The following COLQ variants were observed in gnomAD, a reference collection of about 807,000 sequenced individuals.
COLQ encodes the protein collagen like tail subunit of asymmetric acetylcholinesterase, also known as acetylcholinesterase collagenic tail peptide.
A neutral mutation model predicts 69.0 loss-of-function variants in COLQ; 48 were observed. The ratio of observed to expected loss-of-function variants is 0.70; its 90% CI spans 0.55 to 0.88. COLQ has a LOEUF of 0.88. Ranked by LOEUF, COLQ falls within the 40% of genes least tolerant of loss-of-function variation. COLQ has a pLI of 0.00. For synonymous variants in COLQ, 217 were observed against 211.2 expected (o/e 1.03, Z -0.24); for missense variants, 618 against 594.6 (o/e 1.04, Z -0.41).
chr3:15,461,472 A>G (rs1173419875), intron 12 of COLQ, among the ~76,000 whole-genome samples: 1 of 152,178 alleles, frequency 6.6e-6, no homozygotes, highest in Non-Finnish European at 1.5e-5. Context: ...CTGGGAGATC[A>G]TGTCTCAGCT....
intron 1 of COLQ, among the ~76,000 whole-genome samples, chr3:15,493,445 C>T (rs2062701388): frequency 6.6e-6 from 1 of 152,256 alleles, no homozygotes; most frequent in South Asian, 2.1e-4. Context: ...TCCCCTGTCC[C>T]CCATCTCCCC....
At chr3:15,483,660 G>A (rs1449487732) in intron 3 of COLQ, among the ~76,000 whole-genome samples, 1 of 152,210 alleles carries the variant, frequency 6.6e-6, no homozygotes, top group Non-Finnish European at 1.5e-5. Flanking sequence ...GAATAAGTGT[G>A]ATGTGGTGGT....
chr3:15,494,209 G>C (rs1575487122), intron 1 of COLQ, among the ~76,000 whole-genome samples: 1 of 152,288 alleles, frequency 6.6e-6, no homozygotes, highest in African/African-American at 2.4e-5. Flanking sequence ...GCAGGTGCAG[G>C]GTAAAGGAGT....
In COLQ at chr3:15,455,990, A is replaced by C. The variant is rs1289400896; in HGVS notation, c.1104T>G (p.Thr368=). 6.2e-7 allele frequency: 1 copy of C among 1,613,942 alleles called. No homozygotes were observed. Among genetic ancestry groups the C allele is most frequent in the East Asian group, 2.2e-5 (1 of 44,836 alleles). ...CCCCACAGGTGCCGTGCTGGTCTGC[A>C]GTGTAATCCACAGGGTAGAAAGGGG... is the stretch of plus-strand genomic sequence containing the variant. ...QLTPFYPVDY[T]ADQHGTCGDG... Residue 368 remains threonine (T), a synonymous_variant, in exon 15 of 17, where the codon ACT becomes ACG. Coordinates refer to ENST00000383788, the MANE Select transcript of COLQ (RefSeq NM_005677.4).
At chr3:15,514,766 GA>G (rs1253840011) in intron 1 of COLQ, among the ~76,000 whole-genome samples, 6 of 152,220 alleles carry the variant, frequency 3.9e-5, no homozygotes, top group African/African-American at 1.4e-4. Context: ...GGGGGCTAGA[GA>G]GGTAGATGTA....
chr3:15,477,273 G>A, intron 5 of COLQ, 76 bp from the exon 6 acceptor site: 1 of 1,388,402 alleles, frequency 7.2e-7, no homozygotes, highest in East Asian at 2.5e-5. Context: ...TTGTCTCTGG[G>A]GCCCAGAGGA....
intron 1 of COLQ, among the ~76,000 whole-genome samples, chr3:15,511,494 G>A (rs1004655853): frequency 6.6e-6 from 1 of 152,098 alleles, no homozygotes; most frequent in African/African-American, 2.4e-5. Flanking sequence ...AAGTCACCTC[G>A]GCCCTTCAAT....
intron 6 of COLQ, 147 bp downstream of exon 6, chr3:15,476,979 G>A: frequency 1.2e-6 from 1 of 813,468 alleles, no homozygotes; most frequent in Non-Finnish European, 2.1e-6. Flanking sequence ...GAAGTATCTG[G>A]GGCCCTGTGG....
chr3:15,479,645 C>T (rs1268562548), intron 3 of COLQ, among the ~76,000 whole-genome samples: 1 of 152,182 alleles, frequency 6.6e-6, no homozygotes, highest in Non-Finnish European at 1.5e-5. Context: ...TTAATTTTCT[C>T]CCTGTAACTC....
Position 15,470,610 on chromosome 3 carries a change from T to C in COLQ, c.643A>G (p.Met215Val), listed in dbSNP as rs780605254. ...FPGMLGQKGE[M>V]GPKGEPGIAG... The stretch of plus-strand genomic sequence containing the variant: ...ATCCCAGGTTCACCTTTTGGACCCA[T>C]TTCACCCTGGAAAGAAGGAAAGAGA... Residue 215 changes from methionine to valine, a missense_variant, in exon 11 of 17, where the codon ATG becomes GTG. Transcript: ENST00000383788. The C allele has an allele frequency of 3.7e-6, 6 of 1,613,918 alleles. No individual in the cohort carries two copies. The Admixed American group carries it at 5.0e-5, about 13-fold the overall frequency.
chr3:15,458,939 G>C (rs889763178), intron 12 of COLQ, among the ~76,000 whole-genome samples: 4 of 151,886 alleles, frequency 2.6e-5, no homozygotes, highest in Non-Finnish European at 4.4e-5. Flanking sequence ...TGCCTCCCAG[G>C]TTCAAGTGAG....
At chr3:15,477,079 CCT>C (rs1242350788) in intron 6 of COLQ, 45 bp downstream of exon 6, 2 of 1,528,932 alleles carry the variant, frequency 1.3e-6, no homozygotes, top group Non-Finnish European at 1.8e-6. Flanking sequence ...CATCTTCCCC[CCT>C]CTTGTTTTGA....
chr3:15,479,374 C>T lies in COLQ; in HGVS notation c.330G>A (p.Pro110=), dbSNP rs987422645. 1.4e-5 allele frequency: 23 copies of T among 1,613,900 alleles called. No individual in the cohort carries two copies. Among genetic ancestry groups the T allele is most frequent in the Non-Finnish European group, 1.7e-5 (20 of 1,179,930 alleles). Residue 110 remains proline, a synonymous_variant, in exon 4 of 17, where the codon CCG becomes CCA. Transcript: ENST00000383788. ...TTGGTCCTGTCTTGCCAGGAAGCCC[C>T]GGTGGACCCTAATCAATCAAGATAA... ...SPGPPGPQGP[P]GLPGKTGPKG...
intron 3 of COLQ, among the ~76,000 whole-genome samples, chr3:15,486,697 G>C (rs899493529): frequency 6.6e-6 from 1 of 152,138 alleles, no homozygotes; most frequent in African/African-American, 2.4e-5. Flanking sequence ...GGCAGCCTCT[G>C]GCCAACTCTG....
chr3:15,501,629 G>A (rs57486945), intron 1 of COLQ, among the ~76,000 whole-genome samples: 39,411 of 152,116 alleles, frequency 0.26, 5,519 homozygotes, highest in African/African-American at 0.37. Context: ...GTTCCCCTGA[G>A]CCCTCCTCTT....
chr3:15,460,062 G>A (rs1046696981), intron 12 of COLQ, among the ~76,000 whole-genome samples: 1 of 152,106 alleles, frequency 6.6e-6, no homozygotes, highest in Non-Finnish European at 1.5e-5. Context: ...CTCAGACTCT[G>A]TCATGTATAC....
intron 2 of COLQ, among the ~76,000 whole-genome samples, chr3:15,488,947 C>T (rs759088873): frequency 1.8e-4 from 27 of 152,174 alleles, no homozygotes; most frequent in Admixed American, 5.9e-4. Context: ...GGAGACAGAG[C>T]GTTGGGAAAG....
intron 7 of COLQ, 48 bp downstream of exon 7, chr3:15,475,377 C>T (rs562163077): frequency 2.0e-5 from 30 of 1,533,820 alleles, no homozygotes; most frequent in South Asian, 1.7e-4. Context: ...GCAGCTGCTC[C>T]AGAGCCTGAC....
At chr3:15,464,530 T>C (rs1344121216) in intron 12 of COLQ, among the ~76,000 whole-genome samples, 5 of 152,212 alleles carry the variant, frequency 3.3e-5, no homozygotes, top group African/African-American at 1.2e-4. Flanking sequence ...ATTAATTTAT[T>C]TGGCATCCTA....
Sources: allele counts gnomAD v4.1 joint callset (sites outside exome capture counted in the v4.1 genomes callset), GRCh38; gene constraint gnomAD v4.1.1; transcripts MANE v1.5; gene names NCBI Gene and HGNC (gene_info 2026-07-23, HGNC 2026-07-21).